Variants in PDE7A observed in about 807,000 individuals in gnomAD.
PDE7A encodes phosphodiesterase 7A, also known as high affinity 3',5'-cyclic-AMP phosphodiesterase 7A.
Under a neutral mutation model 64.3 loss-of-function variants are expected in PDE7A, and 39 were observed. The ratio of observed to expected loss-of-function variants is 0.61; its 90% confidence interval spans 0.47 to 0.79. The LOEUF (loss-of-function observed/expected upper bound fraction) is 0.79, where lower values mean the gene tolerates loss of function less well. Among genes scored for constraint, PDE7A ranks in the 30% least tolerant of loss-of-function variants. PDE7A has a pLI of 0.00. For synonymous variants in PDE7A, 203 were observed against 206.8 expected, an observed-to-expected ratio of 0.98 and a Z score of 0.16; for missense variants, 470 against 582.8, an observed-to-expected ratio of 0.81 and a Z score of 1.99.
rs1176481998 is a variant in PDE7A at position 65,841,406 on chromosome 8, G to C, written c.103C>G (p.Leu35Val). The C allele has an allele frequency of 1.3e-6, 2 of 1,565,356 alleles. No homozygotes were observed. The highest frequency in any genetic ancestry group is 2.8e-5 in the African/African-American group (2 of 70,698). The part of the protein sequence containing the change: ...GAISFSSSSA[L>V]FGCPNPRQLS... ...TGCCGGGGATTGGGGCAGCCGAAGA[G>C]AGCGGAGCTGGAGCTGAAGCTGATG... The change falls in exon 1 of 13, where the codon CTC (leucine) becomes GTC (valine). Residue 35 changes from leucine (L) to valine (V), a missense_variant. Physicochemically the swap from Leu to Val is conservative, Grantham distance 32 (BLOSUM62 1). Transcript: ENST00000401827.
At chr8:65,751,061 G>T (rs912359934) in intron 3 of PDE7A, among the ~76,000 whole-genome samples, 2 of 152,166 alleles carry the variant, frequency 1.3e-5, no homozygotes, top group African/African-American at 2.4e-5. Context: ...GACAAATTAA[G>T]AAAGGACATG....
At position 65,717,444 on chromosome 8, in the gene PDE7A, G is replaced by C. The variant is rs548527397; in HGVS notation, c.*1846C>G. 3 of 152,180 alleles carry C rather than the reference G, an allele frequency of 2.0e-5. No individual in the cohort carries two copies. The highest frequency in any genetic ancestry group is 2.0e-4 in the Admixed American group (3 of 15,276). 9.4% of individuals were successfully genotyped at this position (152,180 alleles called of 1,614,324 possible). A position where few individuals can be genotyped will look rare whatever the true frequency, so the allele number is the denominator to read the frequency against. On this transcript the variant is annotated 3_prime_UTR_variant, in exon 13 of 13. Transcript: ENST00000401827. ...CTGATGTCTTATGCAGTTCACCACTGTAGGAACAAAAGGCCTGGCTCAAAG... is the reference window on the plus strand; with the variant it reads ...CTGATGTCTTATGCAGTTCACCACTCTAGGAACAAAAGGCCTGGCTCAAAG...
chr8:65,750,473 ACT>A, intron 3 of PDE7A, among the ~76,000 whole-genome samples: 1 of 80,414 alleles, frequency 1.2e-5, no homozygotes, highest in East Asian at 2.7e-4. Context: ...AATTAGAATC[ACT>A]GTGTGTGTGT....
intron 1 of PDE7A, among the ~76,000 whole-genome samples, chr8:65,813,733 G>C (rs1246777926): frequency 3.3e-5 from 5 of 151,930 alleles, no homozygotes; most frequent in African/African-American, 4.8e-5. Flanking sequence ...TTCTCTTATG[G>C]GACAATTACA....
chr8:65,782,556 G>A (rs1809447337), intron 2 of PDE7A, among the ~76,000 whole-genome samples: 1 of 152,178 alleles, frequency 6.6e-6, no homozygotes, highest in African/African-American at 2.4e-5. Context: ...ACTAATGACA[G>A]TGTCCCAGTT....
intron 1 of PDE7A, among the ~76,000 whole-genome samples, chr8:65,814,473 T>G (rs968566028): frequency 8.5e-6 from 1 of 117,176 alleles, no homozygotes; most frequent in Admixed American, 1.2e-4. Flanking sequence ...ATCCCGCCAC[T>G]GCACTCCAGC....
chr8:65,738,578 C>T lies in PDE7A; in HGVS notation c.595+924G>A, dbSNP rs531668152. Among the ~76,000 whole-genome samples the T allele has an allele frequency of 1.6e-4, 25 of 152,032 alleles. No homozygotes were observed. In the South Asian group the frequency reaches 3.7e-3, roughly 23 times the overall value. ...CCGAGCAGCTGGGATTACAGGCGTGCGCCACCATGCCTGGGTAATTTTTTT... is the reference window on the plus strand; with the variant it reads ...CCGAGCAGCTGGGATTACAGGCGTGTGCCACCATGCCTGGGTAATTTTTTT... On this transcript the variant is annotated intron_variant, in intron 6 of 12. Coordinates refer to ENST00000401827, the MANE Select transcript of PDE7A (RefSeq NM_001242318.3).
chr8:65,734,458 C>T (rs567745569), intron 7 of PDE7A, among the ~76,000 whole-genome samples: 1 of 152,336 alleles, frequency 6.6e-6, no homozygotes, highest in Admixed American at 6.5e-5. Flanking sequence ...CCTGCCTCCT[C>T]TCTGTAGCTC....
At chr8:65,781,551 G>C (rs984679338) in intron 2 of PDE7A, among the ~76,000 whole-genome samples, 2 of 152,124 alleles carry the variant, frequency 1.3e-5, no homozygotes, top group Non-Finnish European at 2.9e-5. Flanking sequence ...GGTGAGATTT[G>C]GGTGTATTTA....
intron 1 of PDE7A, among the ~76,000 whole-genome samples, chr8:65,818,349 A>G (rs1810464868): frequency 6.6e-6 from 1 of 152,036 alleles, no homozygotes; most frequent in East Asian, 1.9e-4. Flanking sequence ...TAGTGTTGCC[A>G]TTTTGTTTTT....
chr8:65,769,174 G>A (rs1020573235), intron 3 of PDE7A, among the ~76,000 whole-genome samples: 1 of 151,296 alleles, frequency 6.6e-6, no homozygotes, highest in African/African-American at 2.4e-5. Flanking sequence ...CTTGAACCAG[G>A]GAGTTGGTGG....
At chr8:65,789,083 C>T in intron 1 of PDE7A, 1 of 1,404,072 alleles carries the variant, frequency 7.1e-7, no homozygotes, top group Non-Finnish European at 9.3e-7. Flanking sequence ...CAGCTGCCTT[C>T]CAACAGTGAT....
chr8:65,778,958 C>G (rs1013751334), intron 3 of PDE7A, among the ~76,000 whole-genome samples: 4 of 152,218 alleles, frequency 2.6e-5, no homozygotes, highest in African/African-American at 9.7e-5. Flanking sequence ...TTTCTCTATC[C>G]CTAAGTGTCC....
chr8:65,788,655 A>G (rs1809623163), intron 1 of PDE7A, among the ~76,000 whole-genome samples: 2 of 152,184 alleles, frequency 1.3e-5, no homozygotes, highest in African/African-American at 4.8e-5. Flanking sequence ...CTGCTTTGAT[A>G]CTGAGGAAAG....
chr8:65,817,222 T>C (rs541242119), intron 1 of PDE7A, among the ~76,000 whole-genome samples: 1 of 152,326 alleles, frequency 6.6e-6, no homozygotes, highest in East Asian at 1.9e-4. Flanking sequence ...AGAGTGTTCC[T>C]ATATATGCCT....
At chr8:65,731,042 C>G (rs141417230) in intron 7 of PDE7A, among the ~76,000 whole-genome samples, 1 of 152,306 alleles carries the variant, frequency 6.6e-6, no homozygotes, top group Non-Finnish European at 1.5e-5. Flanking sequence ...CAAGTACCTA[C>G]CATGTGCTGG....
chr8:65,793,701 A>T (rs1809761629), intron 1 of PDE7A, among the ~76,000 whole-genome samples: 1 of 152,224 alleles, frequency 6.6e-6, no homozygotes, highest in Non-Finnish European at 1.5e-5. Flanking sequence ...CAATATAAGG[A>T]ATAGTTTTAA....
chr8:65,841,334 A>C (rs1270379368), intron 1 of PDE7A, 37 bp downstream of exon 1: 1 of 1,483,570 alleles, frequency 6.7e-7, no homozygotes, highest in Non-Finnish European at 9.0e-7. Context: ...AACAAAAGAG[A>C]GAAGCCCTCA....
chr8:65,727,577 A>G (rs1449922243), intron 7 of PDE7A: 2 of 287,820 alleles, frequency 6.9e-6, no homozygotes, highest in Non-Finnish European at 1.3e-5. Flanking sequence ...AGCTTAATTA[A>G]AATGGCAGCT....
Sources: allele counts gnomAD v4.1 joint callset (sites outside exome capture counted in the v4.1 genomes callset), GRCh38; gene constraint gnomAD v4.1.1; transcripts MANE v1.5; gene names NCBI Gene and HGNC (gene_info 2026-07-23, HGNC 2026-07-21).